MYO1G: variants seen among roughly 807,000 people sequenced by gnomAD.
MYO1G encodes the protein myosin IG.
In MYO1G, 65 loss-of-function variants were observed where a neutral mutation model predicts 115.3. The observed-to-expected ratio is 0.56, with a 90% CI of 0.46 to 0.69. The LOEUF is 0.69. MYO1G is among the 30% of genes least tolerant of loss of function. The probability of loss-of-function intolerance (pLI) is 0.00; values close to 1 mark genes in which losing one functional copy is unlikely to be tolerated. For synonymous variants in MYO1G, 510 were observed against 552.6 expected (o/e 0.92, Z 1.08); for missense variants, 1,204 against 1,393.5 (o/e 0.86, Z 2.16).
chr7:44,965,910 T>C, intron 16 of MYO1G, 50 bp from the exon 17 acceptor site: 1 of 1,578,414 alleles, frequency 6.3e-7, no homozygotes, highest in Non-Finnish European at 8.6e-7. Flanking sequence ...AATCAGGCCC[T>C]AACCCTTAGA....
In MYO1G at chr7:44,975,581, T is replaced by C. The variant is rs760508039; in HGVS notation, c.467A>G (p.Asn156Ser). 2 of 1,613,972 alleles carry C rather than the reference T, an allele frequency of 1.2e-6. No homozygotes were observed. Among genetic ancestry groups the C allele is most frequent in the East Asian group, 2.2e-5 (1 of 44,886 alleles). Residue 156 changes from asparagine to serine, a missense_variant, in exon 4 of 22, where the codon AAT becomes AGT. By Grantham distance (46) the Asn-to-Ser change is conservative. Coordinates refer to ENST00000258787, the MANE Select transcript of MYO1G (RefSeq NM_033054.3). ...EAFGNARTNR[N>S]HNSSRFGKYM... ...CTTGCCAAAGCGGCTGGAGTTGTGA[T>C]TGCGGTTGGTGCGGGCATTGCCAAA...
At position 44,969,619 on chromosome 7, in the gene MYO1G, C is replaced by A; in HGVS notation, c.1503+86G>T. On this transcript the variant is annotated intron_variant, in intron 11 of 21. Coordinates refer to ENST00000258787, the MANE Select transcript of MYO1G (RefSeq NM_033054.3). This position sits in a 1 kb window ranked among gnomAD's most constrained non-coding sequence, Gnocchi z 5.0. ...ATGGCACCAAAGCTGGGTCCCCAAC[C>A]AGGCCCCACGAGGCATGGGCAGCAT... is the stretch of plus-strand genomic sequence containing the variant. The A allele has an allele frequency of 1.9e-6, 3 of 1,583,802 alleles. No individual in the cohort carries two copies. The highest frequency in any genetic ancestry group is 1.7e-6 in the Non-Finnish European group (2 of 1,158,266).
intron 3 of MYO1G, 91 bp downstream of exon 3, chr7:44,976,473 C>T: frequency 1.6e-6 from 2 of 1,228,488 alleles, no homozygotes; most frequent in South Asian, 2.5e-5. Context: ...ACTCCAGTTG[C>T]CGTCTCTCAC....
In MYO1G at chr7:44,969,645, G is replaced by A; in HGVS notation, c.1503+60C>T. ...AGGCCCCACGAGGCATGGGCAGCAT[G>A]GTGCCTGTGGGGCAGGTCCCACCAG... On this transcript the variant is annotated intron_variant, in intron 11 of 21. Coordinates refer to ENST00000258787, the MANE Select transcript of MYO1G (RefSeq NM_033054.3). This position sits in a 1 kb window ranked among gnomAD's most constrained non-coding sequence, Gnocchi z 5.0. The A allele has an allele frequency of 6.3e-7, 1 of 1,597,168 alleles. No individual in the cohort carries two copies. Among genetic ancestry groups the A allele is most frequent in the East Asian group, 2.2e-5 (1 of 44,794 alleles).
At position 44,975,175 on chromosome 7, in the gene MYO1G, T is replaced by C. The variant is rs1337132547; in HGVS notation, c.617A>G (p.Gln206Arg). Residue 206 changes from glutamine (Q) to arginine (R), a missense_variant and splice_region_variant, in exon 5 of 22, where the codon CAA (glutamine) becomes CGA (arginine). Coordinates refer to ENST00000258787, the MANE Select transcript of MYO1G (RefSeq NM_033054.3). ...CCTCCCCTTGCCCTCAGGGCTTACTTGGTAGAAGGCGTGGAAGTTTCTTTC... is the reference window on the plus strand; with the variant it reads ...CCTCCCCTTGCCCTCAGGGCTTACTCGGTAGAAGGCGTGGAAGTTTCTTTC... ...VGERNFHAFYQLLRGSEDKQL... is the reference protein window; with the variant it reads ...VGERNFHAFYRLLRGSEDKQL... The C allele has an allele frequency of 1.9e-6, 3 of 1,613,940 alleles. No homozygotes were observed. Among genetic ancestry groups the C allele is most frequent in the South Asian group, 1.1e-5 (1 of 91,066 alleles).
chr7:44,963,414 C>G lies in MYO1G; in HGVS notation c.2746-290G>C. On this transcript the variant is annotated intron_variant, in intron 20 of 21. Coordinates refer to ENST00000258787, the MANE Select transcript of MYO1G (RefSeq NM_033054.3). This position sits in a 1 kb window ranked among gnomAD's most constrained non-coding sequence, Gnocchi z 4.1. ...CTCACCTGTGGATGCTAAGCCCTTG[C>G]ATGTGCTACTGCCTGGAGGAGCCGT... 1 of 426,292 alleles carries G rather than the reference C, an allele frequency of 2.3e-6. No homozygotes were observed. The highest frequency in any genetic ancestry group is 2.1e-5 in the African/African-American group (1 of 48,224). The allele number at this position is 426,292 out of a possible 1,614,324, so 26.4% of individuals were successfully genotyped here.
chr7:44,969,770 C>A lies in MYO1G; in HGVS notation c.1438G>T (p.Asp480Tyr). 1 of 1,612,764 alleles carries A rather than the reference C, an allele frequency of 6.2e-7. No homozygotes were observed. The highest frequency in any genetic ancestry group is 1.1e-5 in the South Asian group (1 of 91,008). The part of the protein sequence containing the change: ...EACSSAGTIT[D>Y]RIFLQTLDMH... ...TCCAGGGTCTGCAGGAAGATTCGGTCAGTGATGGTGCCAGCAGAGCTGCAG... is the reference window on the plus strand; with the variant it reads ...TCCAGGGTCTGCAGGAAGATTCGGTAAGTGATGGTGCCAGCAGAGCTGCAG... The change falls in exon 11 of 22, where the codon GAC becomes TAC. Residue 480 changes from aspartate (D) to tyrosine (Y), a missense_variant. Physicochemically the swap from Asp to Tyr is radical, Grantham distance 160. Coordinates refer to ENST00000258787, the MANE Select transcript of MYO1G (RefSeq NM_033054.3). The surrounding 1 kb of genome is among the most constrained non-coding windows in gnomAD (Gnocchi z 5.0).
chr7:44,978,796 C>T (rs1038803729), intron 1 of MYO1G, 71 bp downstream of exon 1: 5 of 1,442,372 alleles, frequency 3.5e-6, no homozygotes, highest in Middle Eastern at 1.7e-4. Flanking sequence ...CTCTTTCCCT[C>T]AGGTCTCTGC....
Position 44,966,668 on chromosome 7 carries a change from G to A in MYO1G, c.1949+4C>T. The A allele has an allele frequency of 6.2e-7, 1 of 1,613,084 alleles. No individual in the cohort carries two copies. Among genetic ancestry groups the A allele is most frequent in the Non-Finnish European group, 8.5e-7 (1 of 1,179,994 alleles). ...ATGGAGTGATGGGTGTCAGGTGCCA[G>A]TACCTGAGCAGGAATCGAGAGTAGG... On this transcript the variant is annotated splice_donor_region_variant and intron_variant, in intron 15 of 21. Transcript: ENST00000258787. This position sits in a 1 kb window ranked among gnomAD's most constrained non-coding sequence, Gnocchi z 5.0.
intron 9 of MYO1G, among the ~76,000 whole-genome samples, 175 bp from the exon 10 acceptor site, chr7:44,970,329 A>G (rs1310298520): frequency 1.3e-5 from 2 of 152,034 alleles, no homozygotes; most frequent in African/African-American, 4.8e-5. Flanking sequence ...TACCCCACCC[A>G]CACCTCCTGC....
chr7:44,974,968 C>T, intron 5 of MYO1G: 1 of 640,572 alleles, frequency 1.6e-6, no homozygotes, highest in South Asian at 1.7e-5. Context: ...TGCTTTTGTT[C>T]CCTGCAAGTC....
At chr7:44,975,063 G>A in intron 5 of MYO1G, 111 bp downstream of exon 5, 1 of 1,127,046 alleles carries the variant, frequency 8.9e-7, no homozygotes, top group Non-Finnish European at 1.4e-6. Flanking sequence ...GGGGTTGAGT[G>A]GGCAGAGAGG....
Position 44,966,606 on chromosome 7 carries a change from C to T in MYO1G, c.1949+66G>A. 6.3e-7 allele frequency: 1 copy of T among 1,594,988 alleles called. No homozygotes were observed. The highest frequency in any genetic ancestry group is 1.1e-5 in the South Asian group (1 of 90,146). On this transcript the variant is annotated intron_variant, in intron 15 of 21. Transcript: ENST00000258787. The surrounding 1 kb of genome is among the most constrained non-coding windows in gnomAD (Gnocchi z 5.0). Reference sequence around the variant, plus strand: ...CGACGTGCTGTTTGGGGACCCTCTGCTCCTACCCCTTGGACTCCACACAGG... The same window carrying T: ...CGACGTGCTGTTTGGGGACCCTCTGTTCCTACCCCTTGGACTCCACACAGG...
intron 6 of MYO1G, 29 bp downstream of exon 6, chr7:44,972,086 T>C: frequency 6.4e-7 from 1 of 1,564,920 alleles, no homozygotes; most frequent in South Asian, 1.1e-5. Flanking sequence ...CTGAGCCCAG[T>C]TTGAGCCCTT....
chr7:44,974,523 A>G (rs1181093793), intron 5 of MYO1G: 6 of 154,790 alleles, frequency 3.9e-5, no homozygotes, highest in Admixed American at 2.5e-4. Flanking sequence ...CCAAGTCCCT[A>G]GAGACACTGC....
Position 44,970,043 on chromosome 7 carries a change from C to T in MYO1G, c.1329G>A (p.Gln443=). 4 of 1,613,750 alleles carry T rather than the reference C, an allele frequency of 2.5e-6. No homozygotes were observed. Among genetic ancestry groups the T allele is most frequent in the Non-Finnish European group, 3.4e-6 (4 of 1,179,834 alleles). ...CCCTCCAGGCCACAGTGCTCACGCT[C>T]TGCCAGGTGATGCCCTCGCGCTCGT... ...EEYEREGITW[Q]SVEYFNNATI... The change falls in exon 10 of 22, where the codon CAG becomes CAA. Residue 443 remains glutamine (Q), a synonymous_variant. Transcript: ENST00000258787.
rs1794938522 is a variant in MYO1G at position 44,970,645 on chromosome 7, G to A, written c.1164C>T (p.Asp388=). The A allele has an allele frequency of 6.2e-7, 1 of 1,613,920 alleles. No homozygotes were observed. Among genetic ancestry groups the A allele is most frequent in the East Asian group, 2.2e-5 (1 of 44,886 alleles). The change falls in exon 9 of 22, where the codon GAC becomes GAT. Residue 388 remains aspartate (D), a synonymous_variant. Transcript: ENST00000258787. ...AGATGTCCAGCACGCCAATGACTGT[G>A]TCCTTGCCATCACGCCGAGGATCCC... The part of the protein sequence containing the change: ...RGRDPRRDGK[D]TVIGVLDIYG...
Position 44,976,558 on chromosome 7 carries a change from A to T in MYO1G, c.398+6T>A. ...CTGAGGCCCAGAGCTGCCCATTGCCACTCACCTCTCCACCTCAGCCCTCTG... is the reference window on the plus strand; with the variant it reads ...CTGAGGCCCAGAGCTGCCCATTGCCTCTCACCTCTCCACCTCAGCCCTCTG... On this transcript the variant is annotated splice_donor_region_variant and intron_variant, in intron 3 of 21. Transcript: ENST00000258787. 1 of 1,613,186 alleles carries T rather than the reference A, an allele frequency of 6.2e-7. No individual in the cohort carries two copies. Among genetic ancestry groups the T allele is most frequent in the Non-Finnish European group, 8.5e-7 (1 of 1,179,460 alleles).
Position 44,971,045 on chromosome 7 carries a change from A to G in MYO1G, c.861T>C (p.Phe287=). ...GCAGCCCACCCTCCTCCGTCTCCAC[A>G]AACTCGATGTTTCCCTGGTGATGGG... is the stretch of plus-strand genomic sequence containing the variant. ...AAILHLGNIE[F]VETEEGGLQK... is the part of the protein sequence containing the mutation. The change falls in exon 8 of 22, where the codon TTT becomes TTC. Residue 287 remains phenylalanine, a synonymous_variant. Transcript: ENST00000258787. 2 of 1,610,954 alleles carry G rather than the reference A, an allele frequency of 1.2e-6. No homozygotes were observed. The highest frequency in any genetic ancestry group is 2.2e-5 in the South Asian group (2 of 90,984).
Sources: allele counts gnomAD v4.1 joint callset (sites outside exome capture counted in the v4.1 genomes callset), GRCh38; gene constraint gnomAD v4.1.1; non-coding constraint Gnocchi (gnomAD v3.1); transcripts MANE v1.5; gene names NCBI Gene and HGNC (gene_info 2026-07-23, HGNC 2026-07-21).